DDX39A: variants seen among roughly 807,000 people sequenced by gnomAD.
DDX39A encodes ATP-dependent RNA helicase DDX39A.
A neutral mutation model predicts 46.3 loss-of-function variants in DDX39A; 13 were observed. The ratio of observed to expected loss-of-function variants is 0.28; its 90% confidence interval spans 0.18 to 0.45. The LOEUF (loss-of-function observed/expected upper bound fraction) is 0.45, where lower values mean the gene tolerates loss of function less well. Among genes scored for constraint, DDX39A ranks in the 20% least tolerant of loss-of-function variants. The pLI, the probability that DDX39A is intolerant of heterozygous loss-of-function variation, is 1.00. For missense variants in DDX39A, 352 were observed against 581.8 expected (o/e 0.61, Z 4.06); for synonymous variants, 234 against 224.6 (o/e 1.04, Z -0.38).
chr19:14,412,743 G>A lies in DDX39A; in HGVS notation c.209-65C>T. On this transcript the variant is annotated intron_variant, in intron 2 of 10. Coordinates refer to ENST00000242776, the MANE Select transcript of DDX39A (RefSeq NM_005804.4). The surrounding 1 kb of genome is among the most constrained non-coding windows in gnomAD (Gnocchi z 4.4). ...GCACCCCCGTGCAGGATCCTCACCA[G>A]TTGACCGGGGGCCCACAGTGAGGGC... is the stretch of plus-strand genomic sequence containing the variant. 2 of 1,543,350 alleles carry A rather than the reference G, an allele frequency of 1.3e-6. No individual in the cohort carries two copies. The highest frequency in any genetic ancestry group is 1.7e-6 in the Non-Finnish European group (2 of 1,148,708).
Position 14,411,593 on chromosome 19 carries a change from C to T in DDX39A, c.342G>A (p.Thr114=), listed in dbSNP as rs554181705. Residue 114 remains threonine, a synonymous_variant, in exon 4 of 11, where the codon ACG becomes ACA. Coordinates refer to ENST00000242776, the MANE Select transcript of DDX39A (RefSeq NM_005804.4). The surrounding 1 kb of genome is among the most constrained non-coding windows in gnomAD (Gnocchi z 4.1). Reference sequence around the variant, plus strand: ...CCCTCGTGTGGCACATGACCAGGACCGTCACCTGGGAAGTGGCATAAGAAG... The same window carrying T: ...CCCTCGTGTGGCACATGACCAGGACTGTCACCTGGGAAGTGGCATAAGAAG... ...QQIEPVNGQV[T]VLVMCHTREL... 1.1e-5 allele frequency: 18 copies of T among 1,607,252 alleles called. No homozygotes were observed. Among genetic ancestry groups the T allele is most frequent in the South Asian group, 4.4e-5 (4 of 90,732 alleles).
At position 14,411,208 on chromosome 19, in the gene DDX39A, A is replaced by G; in HGVS notation, c.430-36T>C. ...GAGGAGGAAACCGCTCCATGCTGAT[A>G]CACGGCCCAAGGCCCCAACCTGCAC... On this transcript the variant is annotated intron_variant, in intron 4 of 10. Coordinates refer to ENST00000242776, the MANE Select transcript of DDX39A (RefSeq NM_005804.4). The surrounding 1 kb of genome is among the most constrained non-coding windows in gnomAD (Gnocchi z 4.1). 6.5e-7 allele frequency: 1 copy of G among 1,538,064 alleles called. No individual in the cohort carries two copies. The highest frequency in any genetic ancestry group is 1.2e-5 in the South Asian group (1 of 80,690).
Position 14,410,922 on chromosome 19 carries a change from T to A in DDX39A, c.613+67A>T, listed in dbSNP as rs561245245. ...CGCCCATGTAACCCACTCAAGAGCCTTCCGCCTGCTATGGGGCCCGCCTAG... is the reference window on the plus strand; with the variant it reads ...CGCCCATGTAACCCACTCAAGAGCCATCCGCCTGCTATGGGGCCCGCCTAG... On this transcript the variant is annotated intron_variant, in intron 5 of 10. Transcript: ENST00000242776. The surrounding 1 kb of genome is among the most constrained non-coding windows in gnomAD (Gnocchi z 4.3). 1 of 1,440,386 alleles carries A rather than the reference T, an allele frequency of 6.9e-7. No individual in the cohort carries two copies. Among genetic ancestry groups the A allele is most frequent in the East Asian group, 2.4e-5 (1 of 40,944 alleles). The allele number at this position is 1,440,386 out of a possible 1,614,324, so 89.2% of individuals were successfully genotyped here.
chr19:14,418,618 C>G (rs753780594), intron 1 of DDX39A, among the ~76,000 whole-genome samples: 1 of 150,404 alleles, frequency 6.6e-6, no homozygotes, highest in Admixed American at 6.6e-5. Context: ...CCACCACGCT[C>G]GGCTGATTTT....
At position 14,409,438 on chromosome 19, in the gene DDX39A, G is replaced by A. The variant is rs773575173; in HGVS notation, c.984C>T (p.Arg328=). ...RGMAQEERLS[R]YQQFKDFQRR... is the part of the protein sequence containing the mutation. ...GCTGGAAATCCTTGAACTGCTGATA[G>A]CGTGACAGGCTGGGGTGCAGGAGAA... Residue 328 remains arginine (R), a synonymous_variant, in exon 9 of 11, where the codon CGC becomes CGT. Coordinates refer to ENST00000242776, the MANE Select transcript of DDX39A (RefSeq NM_005804.4). This position sits in a 1 kb window ranked among gnomAD's most constrained non-coding sequence, Gnocchi z 8.3. 2.5e-6 allele frequency: 4 copies of A among 1,614,128 alleles called. No individual in the cohort carries two copies. Among genetic ancestry groups the A allele is most frequent in the Non-Finnish European group, 3.4e-6 (4 of 1,180,046 alleles).
intron 1 of DDX39A, among the ~76,000 whole-genome samples, chr19:14,414,821 C>T (rs1282306918): frequency 6.6e-6 from 1 of 150,570 alleles, no homozygotes; most frequent in Non-Finnish European, 1.5e-5. Flanking sequence ...AAAATTTAGC[C>T]AGGCATGGTG....
chr19:14,418,268 T>C lies in DDX39A; in HGVS notation c.-5+1002A>G, dbSNP rs565676776. 1.4e-3 allele frequency among the ~76,000 whole-genome samples: 208 copies of C among 152,088 alleles called. 1 individual carries two copies. The highest frequency in any genetic ancestry group is 4.8e-3 in the African/African-American group (198 of 41,506). On this transcript the variant is annotated intron_variant, in intron 1 of 10. Coordinates refer to ENST00000242776, the MANE Select transcript of DDX39A (RefSeq NM_005804.4). ...GATCAGGAAAGGATCCGGCGGGGTT[T>C]TCCCCGCCCAAAGTGGGTGGCCATG...
chr19:14,412,835 AAGC>A lies in DDX39A; in HGVS notation c.209-160_209-158del. 7.8e-7 allele frequency: 1 copy of A among 1,277,388 alleles called. No individual in the cohort carries two copies. The highest frequency in any genetic ancestry group is 1.9e-4 in the Middle Eastern group (1 of 5,212). 79.1% of individuals were successfully genotyped at this position (1,277,388 alleles called of 1,614,324 possible). On this transcript the variant is annotated intron_variant, in intron 2 of 10. Coordinates refer to ENST00000242776, the MANE Select transcript of DDX39A (RefSeq NM_005804.4). This position sits in a 1 kb window ranked among gnomAD's most constrained non-coding sequence, Gnocchi z 4.4. ...CAGGGCTGGGGTATCCGCCTGGTCA[AAGC>A]AGAACGCCCCACTGCCGAGGGCAGC...
chr19:14,409,655 G>T lies in DDX39A; in HGVS notation c.865-10C>A, dbSNP rs887889499. 6.2e-7 allele frequency: 1 copy of T among 1,608,876 alleles called. No homozygotes were observed. Among genetic ancestry groups the T allele is most frequent in the Non-Finnish European group, 8.5e-7 (1 of 1,176,342 alleles). ...TGACGAAGATTATCACCTGAGGGAA[G>T]GAGTGGCAGTCAGGGCCACACAGTC... is the stretch of plus-strand genomic sequence containing the variant. On this transcript the variant is annotated splice_polypyrimidine_tract_variant and intron_variant, in intron 7 of 10. Coordinates refer to ENST00000242776, the MANE Select transcript of DDX39A (RefSeq NM_005804.4). This position sits in a 1 kb window ranked among gnomAD's most constrained non-coding sequence, Gnocchi z 8.3.
Position 14,411,572 on chromosome 19 carries a change from C to T in DDX39A, c.363G>A (p.Thr121=), listed in dbSNP as rs746438041. Residue 121 remains threonine, a synonymous_variant, in exon 4 of 11, where the codon ACG becomes ACA. Transcript: ENST00000242776. This position sits in a 1 kb window ranked among gnomAD's most constrained non-coding sequence, Gnocchi z 4.1. Reference sequence around the variant, plus strand: ...TGCTGATCTGGAAGGCCAGCTCCCTCGTGTGGCACATGACCAGGACCGTCA... The same window carrying T: ...TGCTGATCTGGAAGGCCAGCTCCCTTGTGTGGCACATGACCAGGACCGTCA... ...GQVTVLVMCH[T]RELAFQISKE... is the part of the protein sequence containing the mutation. The T allele has an allele frequency of 2.5e-6, 4 of 1,614,150 alleles. No homozygotes were observed. The highest frequency in any genetic ancestry group is 2.7e-5 in the African/African-American group (2 of 75,024).
At position 14,410,513 on chromosome 19, in the gene DDX39A, G is replaced by T; in HGVS notation, c.614-179C>A. ...CCTGAGGGGCTGGGGGGTGGCCAGC[G>T]AGCGCAGGCGCGGGAGGAGCTGCAA... On this transcript the variant is annotated intron_variant, in intron 5 of 10. Transcript: ENST00000242776. The surrounding 1 kb of genome is among the most constrained non-coding windows in gnomAD (Gnocchi z 4.3). The T allele has an allele frequency of 3.2e-6, 2 of 622,628 alleles. No individual in the cohort carries two copies. The highest frequency in any genetic ancestry group is 3.5e-5 in the South Asian group (2 of 56,666). 38.6% of individuals were successfully genotyped at this position (622,628 alleles called of 1,614,324 possible).
rs376478700 is a variant in DDX39A, at chr19:14,409,199, G to T, written c.1120-15C>A. 3 of 1,614,154 alleles carry T rather than the reference G, an allele frequency of 1.9e-6. No homozygotes were observed. The Admixed American group carries it at 5.0e-5, about 27-fold the overall frequency. On this transcript the variant is annotated splice_polypyrimidine_tract_variant and intron_variant, in intron 9 of 10. Coordinates refer to ENST00000242776, the MANE Select transcript of DDX39A (RefSeq NM_005804.4). This position sits in a 1 kb window ranked among gnomAD's most constrained non-coding sequence, Gnocchi z 8.3. The stretch of plus-strand genomic sequence containing the variant: ...GCCCGGGCCACCTGCAGGCAGACAG[G>T]ATCAGGGTCAGGCCACAGATACTAC...
chr19:14,408,951 G>C lies in DDX39A; in HGVS notation c.1269C>G (p.Ile423Met). 1.9e-6 allele frequency: 3 copies of C among 1,601,442 alleles called. No homozygotes were observed. The highest frequency in any genetic ancestry group is 2.6e-6 in the Non-Finnish European group (3 of 1,171,350). Residue 423 changes from isoleucine (I) to methionine (M), a missense_variant and splice_region_variant, in exon 11 of 11, where the codon ATC becomes ATG. Around this residue, in one of 3 missense-constraint regions of DDX39A, gnomAD observed 301 missense variants for 469.9 expected, o/e 0.64. Transcript: ENST00000242776. ...CACGTGGTGGTTACCGGCTCTGCTC[G>C]ACTGTAAGACATGAGATGCAGTGAA... ...LPEEIDISTYIEQSR is the reference protein window; with the variant it reads ...LPEEIDISTYMEQSR
rs144857142 is a variant in DDX39A at position 14,415,234 on chromosome 19, C to T, written c.-4-2010G>A. Among the ~76,000 whole-genome samples, 736 of 152,242 alleles carry T rather than the reference C, an allele frequency of 4.8e-3. 26 individuals carry two copies. The highest frequency in any genetic ancestry group is 0.044 in the Admixed American group (671 of 15,272). ...ATAAATGAAATCTTATAATTTGTGACATTTTGTGTCTGGCTTCTTTCACTC... is the reference window on the plus strand; with the variant it reads ...ATAAATGAAATCTTATAATTTGTGATATTTTGTGTCTGGCTTCTTTCACTC... On this transcript the variant is annotated intron_variant, in intron 1 of 10. Coordinates refer to ENST00000242776, the MANE Select transcript of DDX39A (RefSeq NM_005804.4).
At position 14,409,757 on chromosome 19, in the gene DDX39A, C is replaced by A. The variant is rs1976487090; in HGVS notation, c.849G>T (p.Val283=). Residue 283 remains valine (V), a synonymous_variant, in exon 7 of 11, where the codon GTG becomes GTT. Coordinates refer to ENST00000242776, the MANE Select transcript of DDX39A (RefSeq NM_005804.4). This position sits in a 1 kb window ranked among gnomAD's most constrained non-coding sequence, Gnocchi z 8.3. ...GAAGTATCACCTGGTTAAACTCCAG[C>A]ACATCCAAGAGATCAAAGAGCTTGC... The part of the protein sequence containing the change: ...KNRKLFDLLD[V]LEFNQVIIFV... 1.2e-6 allele frequency: 2 copies of A among 1,614,182 alleles called. No individual in the cohort carries two copies. Among genetic ancestry groups the A allele is most frequent in the Non-Finnish European group, 1.7e-6 (2 of 1,180,036 alleles).
chr19:14,419,078 G>A (rs1254077954), intron 1 of DDX39A, 192 bp downstream of exon 1: 1 of 441,956 alleles, frequency 2.3e-6, no homozygotes, highest in African/African-American at 2.0e-5. Context: ...CCAACGGCTG[G>A]CCCACCCCTA....
Position 14,412,738 on chromosome 19 carries a change from C to T in DDX39A, c.209-60G>A, listed in dbSNP as rs1340906206. 6.5e-7 allele frequency: 1 copy of T among 1,548,940 alleles called. No individual in the cohort carries two copies. The highest frequency in any genetic ancestry group is 2.3e-5 in the East Asian group (1 of 44,386). On this transcript the variant is annotated intron_variant, in intron 2 of 10. Transcript: ENST00000242776. The surrounding 1 kb of genome is among the most constrained non-coding windows in gnomAD (Gnocchi z 4.4). ...TGGATGCACCCCCGTGCAGGATCCT[C>T]ACCAGTTGACCGGGGGCCCACAGTG...
At position 14,419,318 on chromosome 19, in the gene DDX39A, C is replaced by T; in HGVS notation, c.-53G>A. On this transcript the variant is annotated 5_prime_UTR_variant, in exon 1 of 11. Coordinates refer to ENST00000242776, the MANE Select transcript of DDX39A (RefSeq NM_005804.4). ...CGCTGCTAAGAGACACTTCCAACTT[C>T]GGTTTTCCGCCGGGCGCTCAGACAC... 4.5e-6 allele frequency: 1 copy of T among 222,758 alleles called. No individual in the cohort carries two copies. Among genetic ancestry groups the T allele is most frequent in the Non-Finnish European group, 9.4e-6 (1 of 106,862 alleles). 13.8% of individuals were successfully genotyped at this position (222,758 alleles called of 1,614,324 possible). A position where few individuals can be genotyped will look rare whatever the true frequency, so the allele number is the denominator to read the frequency against.
Position 14,409,160 on chromosome 19 carries a change from T to A in DDX39A, c.1144A>T (p.Thr382Ser), listed in dbSNP as rs763293104. ...ACAAAAGTGATGGCTAGGCCTTTGG[T>A]GCCAAAGCGACCCGCCCGGGCCACC... ...HRVARAGRFG[T>S]KGLAITFVSD... The change falls in exon 10 of 11, where the codon ACC becomes TCC. Residue 382 changes from threonine (T) to serine (S), a missense_variant. Around this residue, in one of 3 missense-constraint regions of DDX39A, gnomAD observed 301 missense variants for 469.9 expected, o/e 0.64. Coordinates refer to ENST00000242776, the MANE Select transcript of DDX39A (RefSeq NM_005804.4). The surrounding 1 kb of genome is among the most constrained non-coding windows in gnomAD (Gnocchi z 8.3). 6.2e-7 allele frequency: 1 copy of A among 1,614,116 alleles called. No homozygotes were observed. Among genetic ancestry groups the A allele is most frequent in the Non-Finnish European group, 8.5e-7 (1 of 1,180,012 alleles).
Sources: allele counts gnomAD v4.1 joint callset (sites outside exome capture counted in the v4.1 genomes callset), GRCh38; gene constraint gnomAD v4.1.1; regional missense constraint gnomAD v4.1.1; non-coding constraint Gnocchi (gnomAD v3.1); transcripts MANE v1.5; gene names NCBI Gene and HGNC (gene_info 2026-07-23, HGNC 2026-07-21).